The following CSMD3 variants were observed in gnomAD, a reference collection of about 807,000 sequenced individuals.
CSMD3 encodes the protein CUB and sushi domain-containing protein 3.
A neutral mutation model predicts 435.2 loss-of-function variants in CSMD3; 177 were observed. The observed-to-expected ratio is 0.41, with a 90% CI of 0.36 to 0.46. The LOEUF (loss-of-function observed/expected upper bound fraction) is 0.46. Ranked by LOEUF, CSMD3 falls within the 20% of genes least tolerant of loss-of-function variation. The probability of loss-of-function intolerance (pLI) is 0.34; values close to 1 mark genes in which losing one functional copy is unlikely to be tolerated. For synonymous variants in CSMD3, 1,656 were observed against 1,520.5 expected (o/e 1.09, Z -2.07); for missense variants, 4,265 against 4,504.6 (o/e 0.95, Z 1.52).
At chr8:112,703,271 G>C (rs2076429808) in intron 13 of CSMD3, among the ~76,000 whole-genome samples, 1 of 152,016 alleles carries the variant, frequency 6.6e-6, no homozygotes, top group African/African-American at 2.4e-5. Context: ...TTTCTTCCCT[G>C]CTGTGCAGGC....
intron 1 of CSMD3, among the ~76,000 whole-genome samples, chr8:113,334,680 T>C (rs1022625436): frequency 6.6e-6 from 1 of 152,072 alleles, no homozygotes; most frequent in African/African-American, 2.4e-5. Flanking sequence ...AGCGAAACCA[T>C]CTGGGTCAGG....
chr8:112,762,242 A>G (rs1408760168), intron 13 of CSMD3, among the ~76,000 whole-genome samples: 1 of 151,896 alleles, frequency 6.6e-6, no homozygotes, highest in Non-Finnish European at 1.5e-5. Context: ...GCTTACAGAG[A>G]CTTAAGTTCT....
chr8:112,411,596 C>G (rs1811360077), intron 32 of CSMD3, among the ~76,000 whole-genome samples: 1 of 151,990 alleles, frequency 6.6e-6, no homozygotes, highest in Admixed American at 6.6e-5. Context: ...ATGAAGAACA[C>G]TAACATAGTG....
chr8:112,267,331 A>G (rs749135364), intron 59 of CSMD3, among the ~76,000 whole-genome samples: 2 of 152,098 alleles, frequency 1.3e-5, no homozygotes, highest in Non-Finnish European at 2.9e-5. Flanking sequence ...TTCTTTCTCA[A>G]TAATAATAGA....
At chr8:112,457,842 T>C (rs1492660) in intron 32 of CSMD3, among the ~76,000 whole-genome samples, 64,781 of 151,784 alleles carry the variant, frequency 0.43, 14,799 homozygotes, top group Middle Eastern at 0.6. Context: ...GTGTCAAGAT[T>C]GATGCTTACC....
chr8:112,512,401 G>C (rs949925576), intron 28 of CSMD3, among the ~76,000 whole-genome samples: 1 of 152,178 alleles, frequency 6.6e-6, no homozygotes, highest in Non-Finnish European at 1.5e-5. Context: ...CTCCATTAGA[G>C]CTTTTGGGTG....
chr8:113,003,845 C>G (rs1324391439), intron 6 of CSMD3, among the ~76,000 whole-genome samples: 3 of 151,924 alleles, frequency 2.0e-5, no homozygotes, highest in Non-Finnish European at 4.4e-5. Context: ...ATATACAAAT[C>G]AAATATATGT....
At chr8:113,015,411 C>T (rs1243164755) in intron 6 of CSMD3, among the ~76,000 whole-genome samples, 2 of 151,372 alleles carry the variant, frequency 1.3e-5, no homozygotes, top group Non-Finnish European at 2.9e-5. Context: ...TATTTGCCTG[C>T]ATAAGAAGAA....
intron 45 of CSMD3, among the ~76,000 whole-genome samples, chr8:112,326,309 A>T (rs1823508786): frequency 6.6e-6 from 1 of 152,100 alleles, no homozygotes; most frequent in South Asian, 2.1e-4. Context: ...AAAATACATA[A>T]TCCAGTTTGT....
intron 8 of CSMD3, among the ~76,000 whole-genome samples, chr8:112,950,208 G>T (rs1209817790): frequency 6.6e-6 from 1 of 151,790 alleles, no homozygotes. Flanking sequence ...CTAGTTGTTT[G>T]ATTGACAATA....
At chr8:113,413,943 GA>G (rs1563798368) in intron 1 of CSMD3, among the ~76,000 whole-genome samples, 2 of 152,148 alleles carry the variant, frequency 1.3e-5, no homozygotes, top group Non-Finnish European at 2.9e-5. Context: ...GAATGAAAAT[GA>G]TTTTTACCCT....
intron 3 of CSMD3, among the ~76,000 whole-genome samples, chr8:113,187,026 CT>C (rs1391058150): frequency 6.6e-6 from 1 of 151,860 alleles, no homozygotes; most frequent in Non-Finnish European, 1.5e-5. Context: ...ATTTACATAC[CT>C]TCTGTTTAGG....
intron 27 of CSMD3, among the ~76,000 whole-genome samples, chr8:112,519,828 C>G (rs1824087166): frequency 6.6e-6 from 1 of 151,990 alleles, no homozygotes; most frequent in South Asian, 2.1e-4. Flanking sequence ...GGTATAAGAC[C>G]ATATCCAAGG....
At chr8:113,364,202 T>TA (rs1475730563) in intron 1 of CSMD3, among the ~76,000 whole-genome samples, 2 of 152,096 alleles carry the variant, frequency 1.3e-5, no homozygotes, top group African/African-American at 2.4e-5. Flanking sequence ...AAAGAGCTGT[T>TA]AGAGTGTGAT....
chr8:113,176,137 T>A (rs1277810102), intron 3 of CSMD3, among the ~76,000 whole-genome samples: 1 of 152,018 alleles, frequency 6.6e-6, no homozygotes, highest in Non-Finnish European at 1.5e-5. Context: ...CTGATAAAAA[T>A]TTAGGTTATT....
At chr8:112,552,744 A>T (rs2131202967) in intron 25 of CSMD3, 24 bp from the exon 26 acceptor site, 1 of 1,605,826 alleles carries the variant, frequency 6.2e-7, no homozygotes, top group Non-Finnish European at 8.5e-7. Context: ...ATAGAAATTT[A>T]AGCCACAATT....
At chr8:112,449,393 G>GA in intron 32 of CSMD3, among the ~76,000 whole-genome samples, 1 of 152,126 alleles carries the variant, frequency 6.6e-6, no homozygotes, top group Non-Finnish European at 1.5e-5. Context: ...CAAAATAGAA[G>GA]AGCGTTGAGT....
intron 4 of CSMD3, among the ~76,000 whole-genome samples, chr8:113,129,941 AT>A (rs1291753387): frequency 6.6e-6 from 1 of 151,928 alleles, no homozygotes; most frequent in Non-Finnish European, 1.5e-5. Context: ...ATATATGCTA[AT>A]TTTATGATAC....
At chr8:112,560,249 G>T (rs1828499397) in intron 24 of CSMD3, among the ~76,000 whole-genome samples, 2 of 151,504 alleles carry the variant, frequency 1.3e-5, no homozygotes, top group African/African-American at 4.8e-5. Context: ...TCTATTAAGG[G>T]GTCTTAATCA....
Sources: gnomAD v4.1 joint callset for allele counts (sites outside exome capture counted in the v4.1 genomes callset) on GRCh38, gnomAD v4.1.1 for gene constraint, MANE v1.5 for transcripts, NCBI Gene and HGNC (gene_info 2026-07-23, HGNC 2026-07-21) for gene names.